SNX13: variants seen among roughly 807,000 people sequenced by gnomAD.
The protein encoded by SNX13 is sorting nexin 13.
Under a neutral mutation model 133.6 loss-of-function variants are expected in SNX13, and 45 were observed. The observed-to-expected ratio is 0.34, with a 90% confidence interval of 0.27 to 0.43. The LOEUF (loss-of-function observed/expected upper bound fraction) is 0.43. Among genes scored for constraint, SNX13 ranks in the 20% least tolerant of loss-of-function variants. SNX13 has a pLI of 1.00. For synonymous variants in SNX13, 414 were observed against 373.9 expected, an observed-to-expected ratio of 1.11 and a Z score of -1.24; for missense variants, 1,032 against 1,145.1, an observed-to-expected ratio of 0.90 and a Z score of 1.43.
At chr7:17,816,140 T>G (rs1786632089) in intron 19 of SNX13, 42 bp downstream of exon 19, 1 of 1,495,340 alleles carries the variant, frequency 6.7e-7, no homozygotes, top group Admixed American at 2.5e-5. Flanking sequence ...CTGTGTGCTA[T>G]ATTAAATGAA....
intron 5 of SNX13, among the ~76,000 whole-genome samples, chr7:17,877,614 TG>T (rs1562828795): frequency 6.6e-6 from 1 of 152,096 alleles, no homozygotes; most frequent in African/African-American, 2.4e-5. Context: ...TTTAATTTAC[TG>T]AAACTTTCAA....
In SNX13 at chr7:17,913,441, C is replaced by T. The variant is rs183088653; in HGVS notation, c.13-15995G>A. 5.3e-5 allele frequency among the ~76,000 whole-genome samples: 8 copies of T among 152,256 alleles called. No individual in the cohort carries two copies. In the East Asian group the frequency reaches 1.2e-3, roughly 22 times the overall value. On this transcript the variant is annotated intron_variant, in intron 1 of 25. Transcript: ENST00000428135. ...TGGAGCACTTTTCAGGCTTCTCCAC[C>T]GCCTCCACCTCTGCTGAGGGTAAGC...
chr7:17,805,251 GCGTGCGCGCGCGCGCATGCA>G (rs1294387941), intron 20 of SNX13, among the ~76,000 whole-genome samples: 1 of 71,886 alleles, frequency 1.4e-5, no homozygotes, highest in African/African-American at 5.2e-5. Context: ...GTGTGTGTGT[GCGTGCGCGCGCGCGCATGCA>G]TGCACATGTG....
chr7:17,926,503 T>C (rs992192980), intron 1 of SNX13, among the ~76,000 whole-genome samples: 1 of 152,184 alleles, frequency 6.6e-6, no homozygotes, highest in African/African-American at 2.4e-5. Flanking sequence ...TCAGAAAGTA[T>C]ACATATACTT....
intron 15 of SNX13, chr7:17,830,694 C>G: frequency 2.0e-6 from 2 of 980,136 alleles, no homozygotes; most frequent in Non-Finnish European, 1.2e-6. Flanking sequence ...TAATGTCAAA[C>G]AACAATCTTT....
At chr7:17,910,708 T>C (rs1336472749) in intron 1 of SNX13, among the ~76,000 whole-genome samples, 1 of 152,160 alleles carries the variant, frequency 6.6e-6, no homozygotes, top group African/African-American at 2.4e-5. Context: ...TACCTATAAT[T>C]CAGCCATGAA....
chr7:17,875,587 G>C lies in SNX13; in HGVS notation c.563-6C>G. 6.2e-7 allele frequency: 1 copy of C among 1,609,218 alleles called. No homozygotes were observed. The highest frequency in any genetic ancestry group is 8.5e-7 in the Non-Finnish European group (1 of 1,178,822). ...TACAAGATCTTCTGCTGTACCTAAA[G>C]AAAAACAATTCAAGATATATAAAAT... On this transcript the variant is annotated splice_region_variant and splice_polypyrimidine_tract_variant and intron_variant, in intron 6 of 25. Transcript: ENST00000428135.
At chr7:17,931,477 A>G (rs1019702957) in intron 1 of SNX13, among the ~76,000 whole-genome samples, 1 of 152,202 alleles carries the variant, frequency 6.6e-6, no homozygotes, top group African/African-American at 2.4e-5. Flanking sequence ...TCCAAAGGCC[A>G]TTCTCCACAA....
intron 16 of SNX13, among the ~76,000 whole-genome samples, chr7:17,826,674 C>T (rs1227659993): frequency 6.6e-6 from 1 of 152,058 alleles, no homozygotes; most frequent in East Asian, 1.9e-4. Context: ...AATCCATAGA[C>T]TATGATAGAT....
In SNX13 at chr7:17,799,148, C is replaced by T. The variant is rs1784364255; in HGVS notation, c.2305G>A (p.Asp769Asn). The change falls in exon 23 of 26, where the codon GAC (aspartate) becomes AAC (asparagine). Residue 769 changes from aspartate (D) to asparagine (N), a missense_variant. Transcript: ENST00000428135. ...AGCATTACCCTAAGTGGAATATTGT[C>T]ATCCACCTGACAAAATATAAGAAAT... ...VSAQLDDNVD[D>N]NIPLRVMLLL... The T allele has an allele frequency of 1.3e-6, 2 of 1,599,990 alleles. No individual in the cohort carries two copies. Among genetic ancestry groups the T allele is most frequent in the Non-Finnish European group, 8.5e-7 (1 of 1,174,068 alleles).
At chr7:17,802,634 T>A (rs1348627585) in intron 21 of SNX13, among the ~76,000 whole-genome samples, 1 of 152,110 alleles carries the variant, frequency 6.6e-6, no homozygotes, top group Non-Finnish European at 1.5e-5. Context: ...AAATGAGGCA[T>A]CAGAGAAAGT....
chr7:17,835,471 C>G (rs1178919498), intron 13 of SNX13, among the ~76,000 whole-genome samples: 1 of 151,740 alleles, frequency 6.6e-6, no homozygotes, highest in Non-Finnish European at 1.5e-5. Flanking sequence ...GTTTTAAGAA[C>G]TTCAATTTCA....
rs549891640 is a variant in SNX13 at position 17,868,673 on chromosome 7, T to C, written c.754-183A>G. ...TATGCCTCAGTTTAGATAAATGAGATACAGTTACCTGTATCAACTTGGACA... is the reference window on the plus strand; with the variant it reads ...TATGCCTCAGTTTAGATAAATGAGACACAGTTACCTGTATCAACTTGGACA... On this transcript the variant is annotated intron_variant, in intron 8 of 25. Coordinates refer to ENST00000428135, the MANE Select transcript of SNX13 (RefSeq NM_015132.5). Among the ~76,000 whole-genome samples the C allele has an allele frequency of 3.3e-5, 5 of 152,196 alleles. No individual in the cohort carries two copies. The East Asian group carries it at 9.6e-4, about 29-fold the overall frequency.
At chr7:17,811,400 G>A (rs776831442) in intron 20 of SNX13, among the ~76,000 whole-genome samples, 4 of 152,146 alleles carry the variant, frequency 2.6e-5, no homozygotes, top group South Asian at 2.1e-4. Context: ...ATTCACAATT[G>A]CTACAAAGAG....
chr7:17,834,706 T>C (rs1788936201), intron 14 of SNX13, 55 bp downstream of exon 14: 1 of 1,223,138 alleles, frequency 8.2e-7, no homozygotes, highest in East Asian at 2.6e-5. Context: ...TTACATTACA[T>C]AAAAGTATTT....
intron 2 of SNX13, among the ~76,000 whole-genome samples, chr7:17,896,935 T>C (rs559221580): frequency 6.6e-6 from 1 of 152,268 alleles, no homozygotes; most frequent in East Asian, 1.9e-4. Flanking sequence ...TTAACATTTG[T>C]TTGAAGTCTA....
At chr7:17,854,356 A>T (rs950688092) in intron 9 of SNX13, among the ~76,000 whole-genome samples, 2 of 152,234 alleles carry the variant, frequency 1.3e-5, no homozygotes, top group Non-Finnish European at 2.9e-5. Flanking sequence ...CTAAAATAAT[A>T]ATGGTTATAG....
intron 8 of SNX13, among the ~76,000 whole-genome samples, chr7:17,870,472 C>T (rs1793958980): frequency 6.6e-6 from 1 of 152,096 alleles, no homozygotes; most frequent in Non-Finnish European, 1.5e-5. Flanking sequence ...TTAGATTCAA[C>T]CAAAAAGTAA....
At chr7:17,891,715 T>A in intron 3 of SNX13, 80 bp from the exon 4 acceptor site, 1 of 881,440 alleles carries the variant, frequency 1.1e-6, no homozygotes, top group South Asian at 1.6e-5. Context: ...GAATACTCAA[T>A]GTAACATCCC....
Sources: gnomAD v4.1 joint callset for allele counts (sites outside exome capture counted in the v4.1 genomes callset) on GRCh38, gnomAD v4.1.1 for gene constraint, MANE v1.5 for transcripts, NCBI Gene and HGNC (gene_info 2026-07-23, HGNC 2026-07-21) for gene names.